Variants in EP300 observed in about 807,000 individuals in gnomAD.
The protein encoded by EP300 is histone acetyltransferase p300.
A neutral mutation model predicts 264.0 loss-of-function variants in EP300; 31 were observed. The ratio of observed to expected loss-of-function variants is 0.12; its 90% CI spans 0.09 to 0.16. The LOEUF (loss-of-function observed/expected upper bound fraction) is 0.16, where lower values mean the gene tolerates loss of function less well. Ranked by LOEUF, EP300 falls within the 10% of genes least tolerant of loss-of-function variation. The probability of loss-of-function intolerance (pLI) is 1.00; values close to 1 mark genes in which losing one functional copy is unlikely to be tolerated. For synonymous variants in EP300, 1,340 were observed against 1,045.4 expected (o/e 1.28, Z -5.44); for missense variants, 2,766 against 3,052.9 (o/e 0.91, Z 2.21).
At chr22:41,111,075 C>T (rs965321766) in intron 1 of EP300, among the ~76,000 whole-genome samples, 1 of 151,862 alleles carries the variant, frequency 6.6e-6, no homozygotes, top group South Asian at 2.1e-4. Flanking sequence ...AAGCGATTCT[C>T]GTGCCTCAGC....
intron 28 of EP300, among the ~76,000 whole-genome samples, chr22:41,172,888 A>G (rs1231306826): frequency 2.6e-5 from 4 of 152,220 alleles, no homozygotes; most frequent in South Asian, 2.1e-4. Context: ...ACTTTGAGTA[A>G]TGTGAAATGA....
At chr22:41,115,169 A>G (rs984862190) in intron 1 of EP300, among the ~76,000 whole-genome samples, 5 of 152,210 alleles carry the variant, frequency 3.3e-5, no homozygotes, top group Admixed American at 2.6e-4. Flanking sequence ...AATAATTTTT[A>G]TAGTAGGTTA....
intron 1 of EP300, among the ~76,000 whole-genome samples, chr22:41,115,364 T>C (rs1242071437): frequency 6.6e-6 from 1 of 152,182 alleles, no homozygotes; most frequent in Non-Finnish European, 1.5e-5. Context: ...CAAAGAATTA[T>C]CACATAGCTC....
rs1301899959 is a variant in EP300, at chr22:41,179,461, T to A, written c.*505T>A. 1 of 161,260 alleles carries A rather than the reference T, an allele frequency of 6.2e-6. No individual in the cohort carries two copies. Among genetic ancestry groups the A allele is most frequent in the Non-Finnish European group, 1.3e-5 (1 of 75,488 alleles). 10.0% of individuals were successfully genotyped at this position (161,260 alleles called of 1,614,324 possible). ...ATTACATTCTATATATATATAAATA[T>A]ATATAAATATATATTAAAATACCAG... On this transcript the variant is annotated 3_prime_UTR_variant, in exon 31 of 31. Coordinates refer to ENST00000263253, the MANE Select transcript of EP300 (RefSeq NM_001429.4).
intron 1 of EP300, among the ~76,000 whole-genome samples, chr22:41,110,903 C>T (rs1355330465): frequency 1.3e-5 from 2 of 150,284 alleles, no homozygotes; most frequent in Admixed American, 6.6e-5. Flanking sequence ...TCAGCCTTTA[C>T]TTTTGAGTTT....
At chr22:41,108,487 A>G (rs1020737267) in intron 1 of EP300, among the ~76,000 whole-genome samples, 4 of 151,998 alleles carry the variant, frequency 2.6e-5, no homozygotes, top group Admixed American at 2.6e-4. Context: ...GCGTTCAAGC[A>G]ACCCTCCAGC....
intron 16 of EP300, among the ~76,000 whole-genome samples, chr22:41,154,217 A>G (rs1312450786): frequency 6.6e-6 from 1 of 152,046 alleles, no homozygotes; most frequent in East Asian, 1.9e-4. Flanking sequence ...AAGCATTTGA[A>G]CGAAGGAGTC....
chr22:41,159,401 C>A (rs1178922694), intron 19 of EP300: 2 of 152,098 alleles, frequency 1.3e-5, no homozygotes, highest in Non-Finnish European at 2.9e-5. Flanking sequence ...AGACCTAATG[C>A]TTTGATTTTG....
chr22:41,162,856 C>G, intron 21 of EP300, 77 bp downstream of exon 21: 1 of 1,199,250 alleles, frequency 8.3e-7, no homozygotes. Context: ...GTTTGCATGA[C>G]CAATCAGATG....
intron 1 of EP300, among the ~76,000 whole-genome samples, chr22:41,114,092 T>C (rs1466783694): frequency 6.6e-6 from 1 of 152,164 alleles, no homozygotes; most frequent in Non-Finnish European, 1.5e-5. Flanking sequence ...TATAAGGAAA[T>C]AATGAAGGAA....
intron 1 of EP300, among the ~76,000 whole-genome samples, chr22:41,112,787 C>G (rs2058800453): frequency 6.6e-6 from 1 of 151,356 alleles, no homozygotes; most frequent in Non-Finnish European, 1.5e-5. Flanking sequence ...TGCCTGTAAA[C>G]AATTCGGATA....
intron 16 of EP300, among the ~76,000 whole-genome samples, 173 bp from the exon 17 acceptor site, chr22:41,154,822 G>A (rs771720951): frequency 5.9e-5 from 9 of 152,166 alleles, no homozygotes; most frequent in East Asian, 1.9e-4. Flanking sequence ...GAAACAAAGC[G>A]GGGCTTAGAA....
At chr22:41,149,697 C>G in intron 13 of EP300, 64 bp from the exon 14 acceptor site, 2 of 1,509,056 alleles carry the variant, frequency 1.3e-6, no homozygotes, top group Non-Finnish European at 1.8e-6. Context: ...TATATCATGC[C>G]TATGTAAGTA....
Position 41,149,168 on chromosome 22 carries a change from T to A in EP300, c.2372T>A (p.Val791Glu), listed in dbSNP as rs2145736214. 1 of 1,614,202 alleles carries A rather than the reference T, an allele frequency of 6.2e-7. No homozygotes were observed. The highest frequency in any genetic ancestry group is 8.5e-7 in the Non-Finnish European group (1 of 1,180,024). Reference protein sequence around the residue: ...PLAPSSGQAPVSQAQMSSSSC... With the variant: ...PLAPSSGQAPESQAQMSSSSC... ...GCTCCGTCCAGCGGTCAAGCTCCAG[T>A]GTCTCAAGTATGTCTCATAAGTGGA... The change falls in exon 13 of 31, where the codon GTG (valine) becomes GAG (glutamate). Residue 791 changes from valine (V) to glutamate (E), a missense_variant. Val to Glu is a moderately radical substitution (Grantham distance 121, BLOSUM62 -2). Transcript: ENST00000263253.
At chr22:41,136,875 C>G (rs903551122) in intron 7 of EP300, among the ~76,000 whole-genome samples, 2 of 151,794 alleles carry the variant, frequency 1.3e-5, no homozygotes, top group Non-Finnish European at 2.9e-5. Context: ...GCCTGGGCAA[C>G]ATGGCGAAAT....
chr22:41,134,218 A>G (rs1459865012), intron 6 of EP300, among the ~76,000 whole-genome samples: 1 of 107,012 alleles, frequency 9.3e-6, no homozygotes, highest in African/African-American at 3.6e-5. Context: ...TTCAAGGAGG[A>G]TGTTTTTCTT....
At chr22:41,146,664 T>C (rs1162505269) in intron 10 of EP300, 75 bp from the exon 11 acceptor site, 1 of 1,249,020 alleles carries the variant, frequency 8.0e-7, no homozygotes. Context: ...TTTTGTGGGG[T>C]TTGTGTGTGC....
At chr22:41,139,259 ATTCT>A (rs2058968785) in intron 8 of EP300, among the ~76,000 whole-genome samples, 1 of 152,122 alleles carries the variant, frequency 6.6e-6, no homozygotes, top group South Asian at 2.1e-4. Context: ...CCAGCCAGGA[ATTCT>A]TCAGTGGTAG....
chr22:41,172,814 G>C, intron 28 of EP300, 151 bp downstream of exon 28: 1 of 852,732 alleles, frequency 1.2e-6, no homozygotes, highest in Non-Finnish European at 1.8e-6. Flanking sequence ...GAGGTTATTA[G>C]GGTTCTGTTT....
Sources: gnomAD v4.1 joint callset for allele counts (sites outside exome capture counted in the v4.1 genomes callset) on GRCh38, gnomAD v4.1.1 for gene constraint, MANE v1.5 for transcripts, NCBI Gene and HGNC (gene_info 2026-07-23, HGNC 2026-07-21) for gene names.